LCORL: variants seen among roughly 807,000 people sequenced by gnomAD.
LCORL encodes the protein ligand dependent nuclear receptor corepressor like, also known as ligand-dependent nuclear receptor corepressor-like protein.
In LCORL, 41 loss-of-function variants were observed where a neutral mutation model predicts 141.8. That is an observed-to-expected ratio of 0.29 (90% CI 0.23 to 0.38). The LOEUF (loss-of-function observed/expected upper bound fraction) is 0.38. Ranked by LOEUF, LCORL falls within the 10% of genes least tolerant of loss-of-function variation. LCORL has a pLI of 1.00. For missense variants in LCORL, 1,759 were observed against 2,035.0 expected (o/e 0.86, Z 2.61); for synonymous variants, 618 against 694.1 (o/e 0.89, Z 1.72).
At chr4:17,844,228 C>A (rs1560239642) in exon 8 of LCORL, 1 of 152,346 alleles carries the variant, frequency 6.6e-6, no homozygotes, top group East Asian at 1.9e-4. Flanking sequence ...TATTCACTGT[C>A]AATTTCATTT....
At chr4:17,886,255 C>A in intron 5 of LCORL, 94 bp from the exon 6 acceptor site, 1 of 727,298 alleles carries the variant, frequency 1.4e-6, no homozygotes, top group South Asian at 1.6e-5. Flanking sequence ...TAATTCATAA[C>A]ACTAGTATTT....
exon 8 of LCORL, chr4:17,842,197 G>GTGT: frequency 1.2e-6 from 1 of 822,766 alleles, no homozygotes; most frequent in East Asian, 2.7e-5. Context: ...GGAGATACAT[G>GTGT]TGTTGAAAGG....
At chr4:17,971,406 G>T (rs1054236215) in intron 2 of LCORL, among the ~76,000 whole-genome samples, 1 of 150,246 alleles carries the variant, frequency 6.7e-6, no homozygotes, top group African/African-American at 2.4e-5. Flanking sequence ...GCATATATCC[G>T]AATTATAAAT....
At chr4:18,005,929 C>T (rs1722733446) in intron 1 of LCORL, among the ~76,000 whole-genome samples, 1 of 152,236 alleles carries the variant, frequency 6.6e-6, no homozygotes, top group African/African-American at 2.4e-5. Flanking sequence ...TGGGGATTAA[C>T]ATTCGGCTCC....
At chr4:17,942,800 T>C (rs1356581795) in intron 4 of LCORL, among the ~76,000 whole-genome samples, 1 of 152,094 alleles carries the variant, frequency 6.6e-6, no homozygotes, top group Non-Finnish European at 1.5e-5. Flanking sequence ...GGCCACAGAC[T>C]GGTACCAGTC....
At chr4:17,919,441 TA>T (rs1328275190) in intron 4 of LCORL, among the ~76,000 whole-genome samples, 3 of 151,952 alleles carry the variant, frequency 2.0e-5, no homozygotes, top group East Asian at 1.9e-4. Context: ...AACTATCAAA[TA>T]AAAAAAACCT....
chr4:18,021,271 G>A lies in LCORL; in HGVS notation c.154+327C>T, dbSNP rs897358951. On this transcript the variant is annotated intron_variant, in intron 1 of 7. Transcript: ENST00000635767. This position sits in a 1 kb window ranked among gnomAD's most constrained non-coding sequence, Gnocchi z 5.5. ...CTCCGTCCTGTCAGGGTGGACGGCG[G>A]GCGACGGCGGGCAGCGACGGGCGCC... is the stretch of plus-strand genomic sequence containing the variant. 1.7e-4 allele frequency among the ~76,000 whole-genome samples: 26 copies of A among 152,160 alleles called. No homozygotes were observed. The highest frequency in any genetic ancestry group is 6.0e-4 in the African/African-American group (25 of 41,442).
At chr4:17,908,541 T>C (rs1167886366) in intron 5 of LCORL, among the ~76,000 whole-genome samples, 3 of 152,200 alleles carry the variant, frequency 2.0e-5, no homozygotes, top group Non-Finnish European at 4.4e-5. Flanking sequence ...CTTTCCTCTG[T>C]GAAGTTATGG....
chr4:17,998,862 G>A (rs1223444123), intron 1 of LCORL, among the ~76,000 whole-genome samples: 2 of 149,372 alleles, frequency 1.3e-5, no homozygotes, highest in Non-Finnish European at 3.0e-5. Context: ...CTAATCAGGA[G>A]GCTGAAGTGG....
chr4:17,963,836 T>G (rs1367670125), intron 2 of LCORL, among the ~76,000 whole-genome samples: 1 of 151,970 alleles, frequency 6.6e-6, no homozygotes, highest in African/African-American at 2.4e-5. Flanking sequence ...TATTCCCAAA[T>G]AAATTCATAT....
intron 5 of LCORL, among the ~76,000 whole-genome samples, chr4:17,892,895 G>T (rs752142744): frequency 3.9e-5 from 6 of 152,006 alleles, no homozygotes; most frequent in Non-Finnish European, 8.8e-5. Context: ...ACCTTATTCT[G>T]TAAAAAGTTT....
rs542807607 is a variant in LCORL at position 18,017,031 on chromosome 4, A to T, written c.154+4567T>A. Reference sequence around the variant, plus strand: ...AAGGAGCTCATGCCACAGCTTGGACAGATAAAATACAAAATTAAGCTGGAG... The same window carrying T: ...AAGGAGCTCATGCCACAGCTTGGACTGATAAAATACAAAATTAAGCTGGAG... On this transcript the variant is annotated intron_variant, in intron 1 of 7. Transcript: ENST00000635767. Among the ~76,000 whole-genome samples the T allele has an allele frequency of 1.1e-3, 161 of 152,288 alleles. 1 individual carries two copies. The highest frequency in any genetic ancestry group is 3.8e-3 in the African/African-American group (158 of 41,582).
intron 1 of LCORL, among the ~76,000 whole-genome samples, chr4:17,995,299 A>C (rs142568968): frequency 1.3e-5 from 2 of 150,748 alleles, no homozygotes; most frequent in Admixed American, 1.3e-4. Context: ...CAGTGTCTCC[A>C]TTAATAAAGG....
chr4:17,964,627 G>A (rs919265844), intron 2 of LCORL, among the ~76,000 whole-genome samples: 26 of 152,040 alleles, frequency 1.7e-4, no homozygotes, highest in African/African-American at 5.8e-4. Context: ...GTAGGCTTAC[G>A]TAGGTTTCAA....
chr4:17,975,670 A>G (rs926478850), intron 1 of LCORL, among the ~76,000 whole-genome samples: 2 of 152,192 alleles, frequency 1.3e-5, no homozygotes, highest in Admixed American at 1.3e-4. Context: ...TGCTGGGATT[A>G]CAGACGTGAG....
At chr4:17,954,932 T>C (rs1322179679) in intron 4 of LCORL, among the ~76,000 whole-genome samples, 1 of 152,180 alleles carries the variant, frequency 6.6e-6, no homozygotes, top group Non-Finnish European at 1.5e-5. Flanking sequence ...TGAAGAATTA[T>C]CAACTAGGCA....
At chr4:17,948,971 G>A (rs1398028621) in intron 4 of LCORL, among the ~76,000 whole-genome samples, 1 of 151,996 alleles carries the variant, frequency 6.6e-6, no homozygotes, top group Admixed American at 6.5e-5. Flanking sequence ...CTGAGAATAT[G>A]TCCTTGTTTT....
intron 4 of LCORL, chr4:17,960,443 GAAA>G: frequency 6.5e-6 from 1 of 153,956 alleles, no homozygotes; most frequent in Middle Eastern, 6.2e-4. Context: ...TGACTCAAAG[GAAA>G]AAGAGACTGA....
chr4:17,900,684 T>A (rs767969211), intron 5 of LCORL, among the ~76,000 whole-genome samples: 4 of 152,094 alleles, frequency 2.6e-5, no homozygotes, highest in Non-Finnish European at 5.9e-5. Flanking sequence ...TAACATAGCT[T>A]GAAAGAGAAT....
Sources: gnomAD v4.1 joint callset for allele counts (sites outside exome capture counted in the v4.1 genomes callset) on GRCh38, gnomAD v4.1.1 for gene constraint, Gnocchi (gnomAD v3.1) non-coding constraint, MANE v1.5 for transcripts, NCBI Gene and HGNC (gene_info 2026-07-23, HGNC 2026-07-21) for gene names.